Variants in EHD4 observed in about 807,000 individuals in gnomAD.
The protein encoded by EHD4 is EH domain containing 4, also known as EH domain-containing protein 4.
A neutral mutation model predicts 51.0 loss-of-function variants in EHD4; 37 were observed. That is an observed-to-expected ratio of 0.73 (90% CI 0.56 to 0.95). The LOEUF is 0.95. EHD4 is among the 40% of genes least tolerant of loss of function. The pLI is 0.00. For synonymous variants in EHD4, 297 were observed against 317.3 expected (o/e 0.94, Z 0.68); for missense variants, 632 against 733.1 (o/e 0.86, Z 1.59).
In EHD4 at chr15:41,919,433, C is replaced by G; in HGVS notation, c.701G>C (p.Arg234Pro). Residue 234 changes from arginine (R) to proline (P), a missense_variant, in exon 4 of 6, where the codon CGG becomes CCG. Coordinates refer to ENST00000220325, the MANE Select transcript of EHD4 (RefSeq NM_139265.4). The part of the protein sequence containing the change: ...ADQVDTQQLM[R>P]VYGALMWSLG... ...GGACCACATGAGGGCCCCGTAGACC[C>G]GCATCAGCTGCTGCGTGTCCACTTG... 16 of 1,584,856 alleles carry G rather than the reference C, an allele frequency of 1.0e-5. No individual in the cohort carries two copies. The highest frequency in any genetic ancestry group is 1.3e-5 in the Non-Finnish European group (15 of 1,164,160).
Position 41,917,745 on chromosome 15 carries a change from C to T in EHD4, c.924+1465G>A, listed in dbSNP as rs114483448. On this transcript the variant is annotated intron_variant, in intron 4 of 5. Transcript: ENST00000220325. ...GCAAAATCATTTCAGGAGAGCTGCA[C>T]GTAAGTGGATTTACAAACTAGTTAG... 7.0e-3 allele frequency among the ~76,000 whole-genome samples: 1,071 copies of T among 152,236 alleles called. 16 individuals are homozygous for T. The highest frequency in any genetic ancestry group is 0.024 in the African/African-American group (1,005 of 41,536).
intron 3 of EHD4, 34 bp downstream of exon 3, chr15:41,943,033 C>T (rs778340219): frequency 2.4e-5 from 36 of 1,518,000 alleles, no homozygotes; most frequent in Non-Finnish European, 3.1e-5. Flanking sequence ...CCTCAGCCAG[C>T]ACTTGGTGGG....
intron 1 of EHD4, among the ~76,000 whole-genome samples, chr15:41,957,866 A>C (rs144090225): frequency 2.8e-4 from 42 of 152,338 alleles, no homozygotes; most frequent in African/African-American, 9.1e-4. Flanking sequence ...GGAACAACCA[A>C]GACACCAAGT....
At chr15:41,901,800 T>C (rs1056657283) in intron 5 of EHD4, among the ~76,000 whole-genome samples, 1 of 152,210 alleles carries the variant, frequency 6.6e-6, no homozygotes, top group Non-Finnish European at 1.5e-5. Context: ...AGGGCGCTAC[T>C]CAACAGGAAC....
chr15:41,909,633 A>T lies in EHD4; in HGVS notation c.1089+66T>A. 4 of 1,580,678 alleles carry T rather than the reference A, an allele frequency of 2.5e-6. No homozygotes were observed. In the Admixed American group the frequency reaches 6.8e-5, roughly 27 times the overall value. ...TGGGACTCTCATTTGTCTCCAGCAA[A>T]CAGCCAGACAATGTGGCACTGCACC... is the stretch of plus-strand genomic sequence containing the variant. On this transcript the variant is annotated intron_variant, in intron 5 of 5. Coordinates refer to ENST00000220325, the MANE Select transcript of EHD4 (RefSeq NM_139265.4).
intron 5 of EHD4, 39 bp from the exon 6 acceptor site, chr15:41,901,220 C>T: frequency 1.3e-6 from 2 of 1,512,070 alleles, no homozygotes; most frequent in Non-Finnish European, 8.8e-7. Context: ...TACATGTGGT[C>T]TCTTCAGGGG....
chr15:41,919,319 C>T lies in EHD4; in HGVS notation c.815G>A (p.Arg272Gln), dbSNP rs761272807. Reference sequence around the variant, plus strand: ...GTCCTGGGCCTCAGCCTCGAAGAGCCGGCGGTTGTCCGTGTTCTGCAGGGG... The same window carrying T: ...GTCCTGGGCCTCAGCCTCGAAGAGCTGGCGGTTGTCCGTGTTCTGCAGGGG... ...AQPLQNTDNRRLFEAEAQDLF... is the reference protein window; with the variant it reads ...AQPLQNTDNRQLFEAEAQDLF... The change falls in exon 4 of 6, where the codon CGG becomes CAG. Residue 272 changes from arginine (R) to glutamine (Q), a missense_variant. By Grantham distance (43) the Arg-to-Gln change is conservative. Transcript: ENST00000220325. 3.9e-5 allele frequency: 63 copies of T among 1,614,064 alleles called. No individual in the cohort carries two copies. The highest frequency in any genetic ancestry group is 4.9e-5 in the Non-Finnish European group (58 of 1,180,048).
intron 3 of EHD4, among the ~76,000 whole-genome samples, chr15:41,920,168 T>A (rs577176825): frequency 6.6e-6 from 1 of 152,376 alleles, no homozygotes; most frequent in South Asian, 2.1e-4. Flanking sequence ...CAGCCAGTGT[T>A]GTGATCAATA....
At chr15:41,938,732 A>G (rs1355213326) in intron 3 of EHD4, among the ~76,000 whole-genome samples, 4 of 152,256 alleles carry the variant, frequency 2.6e-5, no homozygotes, top group Non-Finnish European at 5.9e-5. Flanking sequence ...AGTCTATTGA[A>G]GGCTACGCAA....
intron 1 of EHD4, among the ~76,000 whole-genome samples, chr15:41,969,846 T>C (rs1164077597): frequency 6.6e-6 from 1 of 152,156 alleles, no homozygotes; most frequent in Non-Finnish European, 1.5e-5. Context: ...ATTCCCACCA[T>C]GTCAGCACAG....
intron 4 of EHD4, among the ~76,000 whole-genome samples, 181 bp downstream of exon 4, chr15:41,919,029 T>TGCAGAGCCAGGAGCTAGGGTGTCA (rs1213750640): frequency 6.6e-6 from 1 of 151,944 alleles, no homozygotes; most frequent in East Asian, 1.9e-4. Context: ...TGCCCAGGAG[T>TGCAGAGCCAGGAGCTAGGGTGTCA]GCAGAGCCAG....
At chr15:41,932,695 T>G (rs1264461252) in intron 3 of EHD4, among the ~76,000 whole-genome samples, 1 of 151,958 alleles carries the variant, frequency 6.6e-6, no homozygotes, top group East Asian at 1.9e-4. Context: ...TGCTCCCGGG[T>G]CATTCTCTTC....
At chr15:41,958,794 C>T (rs1043885270) in intron 1 of EHD4, among the ~76,000 whole-genome samples, 12 of 152,288 alleles carry the variant, frequency 7.9e-5, no homozygotes, top group African/African-American at 2.9e-4. Context: ...TGAATAGTCT[C>T]ATTTCATCCT....
rs1406372132 is a variant in EHD4 at position 41,899,729 on chromosome 15, A to C, written c.*916T>G. 6.6e-6 allele frequency: 1 copy of C among 152,174 alleles called. No homozygotes were observed. The highest frequency in any genetic ancestry group is 1.5e-5 in the Non-Finnish European group (1 of 68,036). 9.4% of individuals were successfully genotyped at this position (152,174 alleles called of 1,614,324 possible). ...GAGACCTCGGGATATTTAATGTTTG[A>C]GGGCCACACTAAACGATCACTGCAG... On this transcript the variant is annotated 3_prime_UTR_variant, in exon 6 of 6. Coordinates refer to ENST00000220325, the MANE Select transcript of EHD4 (RefSeq NM_139265.4).
At chr15:41,928,746 G>A (rs980161653) in intron 3 of EHD4, 1 of 152,194 alleles carries the variant, frequency 6.6e-6, no homozygotes, top group African/African-American at 2.4e-5. Flanking sequence ...CCCTGAGGGG[G>A]AAGCAGTATC....
chr15:41,940,260 G>A (rs193218561), intron 3 of EHD4, among the ~76,000 whole-genome samples: 7 of 152,308 alleles, frequency 4.6e-5, no homozygotes, highest in Admixed American at 3.9e-4. Context: ...AAGTCAGTGG[G>A]GGATGCTTTA....
At chr15:41,934,625 T>C (rs2067720044) in intron 3 of EHD4, among the ~76,000 whole-genome samples, 1 of 152,182 alleles carries the variant, frequency 6.6e-6, no homozygotes, top group Admixed American at 6.5e-5. Context: ...AGCAGCATTT[T>C]AACAGCTCCC....
intron 1 of EHD4, among the ~76,000 whole-genome samples, chr15:41,954,914 G>A (rs982955198): frequency 1.3e-5 from 2 of 152,254 alleles, no homozygotes; most frequent in Non-Finnish European, 2.9e-5. Flanking sequence ...ACAGGCATGA[G>A]CCACCGCAAC....
intron 2 of EHD4, among the ~76,000 whole-genome samples, chr15:41,951,978 C>T (rs1466580665): frequency 1.3e-5 from 2 of 152,274 alleles, no homozygotes; most frequent in African/African-American, 2.4e-5. Flanking sequence ...ACTCCTTCCA[C>T]ATCACCTGCA....
Sources: allele counts gnomAD v4.1 joint callset (sites outside exome capture counted in the v4.1 genomes callset), GRCh38; gene constraint gnomAD v4.1.1; transcripts MANE v1.5; gene names NCBI Gene and HGNC (gene_info 2026-07-23, HGNC 2026-07-21).